The following PRRX2 variants were observed in gnomAD, a reference collection of about 807,000 sequenced individuals.
The protein encoded by PRRX2 is paired mesoderm homeobox protein 2.
A neutral mutation model predicts 18.0 loss-of-function variants in PRRX2; 11 were observed. That is an observed-to-expected ratio of 0.61 (90% confidence interval 0.39 to 1.01). The LOEUF (loss-of-function observed/expected upper bound fraction) is 1.01. Among genes scored for constraint, PRRX2 ranks in the 50% least tolerant of loss-of-function variants. The pLI, the probability that PRRX2 is intolerant of heterozygous loss-of-function variation, is 0.01. For missense variants in PRRX2, 387 were observed against 351.0 expected, an observed-to-expected ratio of 1.10 and a Z score of -0.82; for synonymous variants, 177 against 154.8, an observed-to-expected ratio of 1.14 and a Z score of -1.06.
intron 1 of PRRX2, among the ~76,000 whole-genome samples, chr9:129,708,988 T>C (rs1308767746): frequency 1.3e-5 from 2 of 152,340 alleles, no homozygotes; most frequent in African/African-American, 2.4e-5. Context: ...TTTTAGTTAA[T>C]TGCAGATGTG....
chr9:129,687,917 T>G (rs1453682289), intron 1 of PRRX2, among the ~76,000 whole-genome samples: 4 of 152,160 alleles, frequency 2.6e-5, no homozygotes, highest in Non-Finnish European at 1.5e-5. Flanking sequence ...TTTCTGGAGG[T>G]AGCGGGGACA....
intron 1 of PRRX2, among the ~76,000 whole-genome samples, chr9:129,701,386 G>C (rs11794475): frequency 0.21 from 31,405 of 152,242 alleles, 3,413 homozygotes; most frequent in Middle Eastern, 0.32. Context: ...GTATTGTCGA[G>C]GCACTTTAGG....
At chr9:129,676,371 C>T (rs1000448726) in intron 1 of PRRX2, among the ~76,000 whole-genome samples, 2 of 152,178 alleles carry the variant, frequency 1.3e-5, no homozygotes, top group African/African-American at 4.8e-5. Flanking sequence ...GTCACACCTT[C>T]TTGCAGGGAG....
At chr9:129,674,747 CT>C in intron 1 of PRRX2, among the ~76,000 whole-genome samples, 4 of 152,186 alleles carry the variant, frequency 2.6e-5, no homozygotes, top group Non-Finnish European at 5.9e-5. Flanking sequence ...GGGTTCCTGC[CT>C]CGCCTTGCCC....
At chr9:129,705,118 C>T (rs1832540754) in intron 1 of PRRX2, among the ~76,000 whole-genome samples, 1 of 152,208 alleles carries the variant, frequency 6.6e-6, no homozygotes, top group African/African-American at 2.4e-5. Context: ...CCCCTTCCTC[C>T]TGGGTGACTC....
intron 1 of PRRX2, among the ~76,000 whole-genome samples, chr9:129,706,542 G>A (rs1332566645): frequency 3.3e-5 from 5 of 150,748 alleles, no homozygotes; most frequent in South Asian, 4.2e-4. Context: ...CAGCCTGGGC[G>A]ACAGAGTGAA....
At chr9:129,697,315 G>C (rs539638209) in intron 1 of PRRX2, among the ~76,000 whole-genome samples, 3 of 152,070 alleles carry the variant, frequency 2.0e-5, no homozygotes, top group Admixed American at 1.3e-4. Flanking sequence ...GGAGCGCTGC[G>C]TCCCGCTCCC....
At chr9:129,699,437 ATATGTG>A (rs771409758) in intron 1 of PRRX2, among the ~76,000 whole-genome samples, 5 of 140,346 alleles carry the variant, frequency 3.6e-5, no homozygotes, top group Admixed American at 1.4e-4. Context: ...AAAAATATAT[ATATGTG>A]TGTGTGTGTG....
chr9:129,691,141 A>G (rs1425663228), intron 1 of PRRX2, among the ~76,000 whole-genome samples: 2 of 148,846 alleles, frequency 1.3e-5, no homozygotes, highest in Admixed American at 6.7e-5. Context: ...CCTAGACAAC[A>G]TGGTGAAACC....
chr9:129,672,568 C>T (rs1379015402), intron 1 of PRRX2, among the ~76,000 whole-genome samples: 2 of 152,190 alleles, frequency 1.3e-5, no homozygotes, highest in African/African-American at 4.8e-5. Context: ...CAGGCGCAGG[C>T]TGCATTCAGG....
chr9:129,687,810 G>A (rs1832314280), intron 1 of PRRX2, among the ~76,000 whole-genome samples: 1 of 152,232 alleles, frequency 6.6e-6, no homozygotes, highest in Non-Finnish European at 1.5e-5. Context: ...GCCTAGGCAG[G>A]CAGCATCAGC....
intron 1 of PRRX2, among the ~76,000 whole-genome samples, chr9:129,712,220 T>C (rs1235345269): frequency 6.6e-6 from 1 of 152,196 alleles, no homozygotes; most frequent in Non-Finnish European, 1.5e-5. Context: ...GAGGGCTGCT[T>C]ATTTGCTCAG....
intron 1 of PRRX2, among the ~76,000 whole-genome samples, chr9:129,705,219 T>A (rs1487527984): frequency 1.4e-5 from 2 of 141,508 alleles, no homozygotes; most frequent in Non-Finnish European, 3.0e-5. Context: ...GAGACTGAGC[T>A]GGACTTGGGA....
At chr9:129,684,459 CCCA>C (rs1564147315) in intron 1 of PRRX2, among the ~76,000 whole-genome samples, 26 of 134,242 alleles carry the variant, frequency 1.9e-4, no homozygotes, top group Non-Finnish European at 3.4e-4. Flanking sequence ...CACACACACA[CCCA>C]ACAGAAAAGA....
At chr9:129,708,043 C>A (rs569668960) in intron 1 of PRRX2, among the ~76,000 whole-genome samples, 73 of 152,188 alleles carry the variant, frequency 4.8e-4, no homozygotes, top group African/African-American at 1.7e-3. Flanking sequence ...AGGCCACCTG[C>A]CCTGGCTCAG....
chr9:129,677,598 G>C (rs1252358386), intron 1 of PRRX2, among the ~76,000 whole-genome samples: 1 of 152,248 alleles, frequency 6.6e-6, no homozygotes, highest in Non-Finnish European at 1.5e-5. Context: ...ACACTGGGCC[G>C]TGGCATGGTC....
intron 1 of PRRX2, among the ~76,000 whole-genome samples, chr9:129,697,774 C>G (rs559488460): frequency 1.3e-5 from 2 of 152,102 alleles, no homozygotes; most frequent in Non-Finnish European, 2.9e-5. Context: ...AACCTGCCCC[C>G]CTGCTAGCGC....
chr9:129,692,915 G>C (rs1832379145), intron 1 of PRRX2, among the ~76,000 whole-genome samples: 1 of 152,200 alleles, frequency 6.6e-6, no homozygotes, highest in Non-Finnish European at 1.5e-5. Flanking sequence ...TAGGAACCAA[G>C]GAGTGTGATG....
At chr9:129,702,647 G>T (rs983380872) in intron 1 of PRRX2, among the ~76,000 whole-genome samples, 1 of 152,218 alleles carries the variant, frequency 6.6e-6, no homozygotes, top group Non-Finnish European at 1.5e-5. Context: ...GTGTCTTTCA[G>T]TCTGAGCCAT....
Sources: allele counts gnomAD v4.1 joint callset (sites outside exome capture counted in the v4.1 genomes callset), GRCh38; gene constraint gnomAD v4.1.1; transcripts MANE v1.5; gene names NCBI Gene and HGNC (gene_info 2026-07-23, HGNC 2026-07-21).